The following LRRK2 variants were observed in gnomAD, a reference collection of about 807,000 sequenced individuals.
LRRK2 encodes the protein leucine rich repeat kinase 2.
LRRK2 carries 203 observed loss-of-function variants against 302.6 expected under a neutral mutation model. The ratio of observed to expected loss-of-function variants is 0.67; its 90% CI spans 0.60 to 0.75. LRRK2 has a LOEUF of 0.75. Ranked by LOEUF, LRRK2 falls within the 30% of genes least tolerant of loss-of-function variation. LRRK2 has a pLI of 0.00. For synonymous variants in LRRK2, 1,066 were observed against 1,031.9 expected (o/e 1.03, Z -0.63); for missense variants, 2,830 against 2,951.0 (o/e 0.96, Z 0.95).
intron 11 of LRRK2, among the ~76,000 whole-genome samples, chr12:40,255,896 T>C (rs1347697408): frequency 1.3e-5 from 2 of 152,194 alleles, no homozygotes; most frequent in Non-Finnish European, 2.9e-5. Context: ...TTTTTCAGGC[T>C]CTGGCAGTAT....
At chr12:40,366,900 A>T (rs1254483004) in intron 49 of LRRK2, 106 bp from the exon 50 acceptor site, 2 of 751,362 alleles carry the variant, frequency 2.7e-6, no homozygotes, top group Non-Finnish European at 4.5e-6. Flanking sequence ...TTGTGAATTC[A>T]GTTCCAAGGT....
At chr12:40,245,971 A>T (rs1247312641) in intron 7 of LRRK2, among the ~76,000 whole-genome samples, 1 of 151,970 alleles carries the variant, frequency 6.6e-6, no homozygotes, top group Non-Finnish European at 1.5e-5. Flanking sequence ...CATGAGTCAG[A>T]ATTATTAATA....
chr12:40,291,237 C>G (rs1944138236), intron 20 of LRRK2, among the ~76,000 whole-genome samples: 1 of 150,640 alleles, frequency 6.6e-6, no homozygotes, highest in South Asian at 2.1e-4. Flanking sequence ...AATGAGAACA[C>G]TTGGACACAG....
intron 8 of LRRK2, among the ~76,000 whole-genome samples, chr12:40,250,404 C>A (rs1942202877): frequency 6.6e-6 from 1 of 152,094 alleles, no homozygotes; most frequent in African/African-American, 2.4e-5. Flanking sequence ...GCAGGAGTAT[C>A]GCTTGGAACT....
At chr12:40,280,871 C>T (rs1202264640) in intron 18 of LRRK2, among the ~76,000 whole-genome samples, 1 of 151,510 alleles carries the variant, frequency 6.6e-6, no homozygotes, top group Non-Finnish European at 1.5e-5. Context: ...TCGAGACCAT[C>T]CTGGCTAACC....
chr12:40,231,105 G>A (rs929818253), intron 2 of LRRK2, among the ~76,000 whole-genome samples: 4 of 151,842 alleles, frequency 2.6e-5, no homozygotes, highest in Admixed American at 6.6e-5. Flanking sequence ...TATTATTCTA[G>A]CTTCATTACT....
chr12:40,301,041 A>C, intron 25 of LRRK2: 1 of 461,556 alleles, frequency 2.2e-6, no homozygotes, highest in Non-Finnish European at 4.4e-6. Flanking sequence ...TGAAGCCGTG[A>C]GATTTTTTGT....
At chr12:40,303,183 T>A (rs986611742) in intron 26 of LRRK2, among the ~76,000 whole-genome samples, 3 of 152,134 alleles carry the variant, frequency 2.0e-5, no homozygotes, top group Admixed American at 2.0e-4. Flanking sequence ...AAATTTTAAT[T>A]GTTTGTGGAA....
intron 18 of LRRK2, among the ~76,000 whole-genome samples, chr12:40,281,014 G>A (rs1312963818): frequency 1.3e-5 from 2 of 149,932 alleles, no homozygotes; most frequent in African/African-American, 2.5e-5. Context: ...CTTGCAGTGA[G>A]CCTAGATCGC....
intron 20 of LRRK2, among the ~76,000 whole-genome samples, chr12:40,290,780 T>C (rs1244895126): frequency 1.3e-5 from 2 of 152,090 alleles, no homozygotes; most frequent in Non-Finnish European, 2.9e-5. Flanking sequence ...TTCTCTATTG[T>C]TTGTGTTACT....
chr12:40,320,983 A>T lies in LRRK2; in HGVS notation c.5016-51A>T, dbSNP rs10878368. On this transcript the variant is annotated intron_variant, in intron 34 of 50. Transcript: ENST00000298910. ...AAGCAGTAAAATCATTTGCTCAACA[A>T]GGTTGGGTGTTTTGTGAGGCTGTAT... is the stretch of plus-strand genomic sequence containing the variant. 0.56 allele frequency: 889,156 copies of T among 1,594,208 alleles called. 250,288 individuals carry two copies. Among genetic ancestry groups the T allele is most frequent in the South Asian group, 0.69 (62,351 of 90,556 alleles).
intron 6 of LRRK2, 23 bp from the exon 7 acceptor site, chr12:40,243,526 TA>T: frequency 2.5e-6 from 4 of 1,608,966 alleles, no homozygotes; most frequent in Non-Finnish European, 3.4e-6. Flanking sequence ...ACCTTATTGA[TA>T]ATTATGATCT....
At chr12:40,310,692 C>T (rs773300974) in intron 31 of LRRK2, 43 bp downstream of exon 31, 13 of 1,587,214 alleles carry the variant, frequency 8.2e-6, no homozygotes, top group South Asian at 1.1e-5. Flanking sequence ...TATTGATTCT[C>T]AACTGCCTAG....
At chr12:40,262,599 A>G (rs2136535610) in intron 13 of LRRK2, among the ~76,000 whole-genome samples, 1 of 152,282 alleles carries the variant, frequency 6.6e-6, no homozygotes, top group Non-Finnish European at 1.5e-5. Context: ...CACACGACCT[A>G]AAGGACTGTT....
chr12:40,256,816 T>C (rs540475643), intron 11 of LRRK2, among the ~76,000 whole-genome samples: 9 of 152,360 alleles, frequency 5.9e-5, no homozygotes, highest in African/African-American at 1.7e-4. Context: ...CACCAGTGTC[T>C]AGCATATCTG....
intron 31 of LRRK2, chr12:40,312,972 C>A (rs1334438111): frequency 8.2e-6 from 1 of 122,586 alleles, no homozygotes; most frequent in African/African-American, 3.1e-5. Flanking sequence ...CTTGAGTAAC[C>A]ATTTGCAGGT....
At chr12:40,242,556 G>A (rs1941778931) in intron 6 of LRRK2, among the ~76,000 whole-genome samples, 1 of 151,674 alleles carries the variant, frequency 6.6e-6, no homozygotes, top group African/African-American at 2.4e-5. Flanking sequence ...GGAGCCTTCA[G>A]GAAGCTTGAT....
chr12:40,353,263 A>C (rs1330426492), intron 44 of LRRK2, among the ~76,000 whole-genome samples: 1 of 19,242 alleles, frequency 5.2e-5, no homozygotes, highest in South Asian at 1.5e-3. Flanking sequence ...CTCACTTCTC[A>C]GACGGGGCGG....
chr12:40,277,166 A>T (rs1191462897), intron 16 of LRRK2, among the ~76,000 whole-genome samples: 2 of 152,214 alleles, frequency 1.3e-5, no homozygotes, highest in African/African-American at 2.4e-5. Flanking sequence ...AAAACATTAA[A>T]AAGTTAAGAT....
Sources: allele counts gnomAD v4.1 joint callset (sites outside exome capture counted in the v4.1 genomes callset), GRCh38; gene constraint gnomAD v4.1.1; transcripts MANE v1.5; gene names NCBI Gene and HGNC (gene_info 2026-07-23, HGNC 2026-07-21).